AFF4: variants seen among roughly 807,000 people sequenced by gnomAD.
The protein encoded by AFF4 is ALF transcription elongation factor 4, also known as AF4/FMR2 family member 4.
In AFF4, 13 loss-of-function variants were observed where a neutral mutation model predicts 124.8. That is an observed-to-expected ratio of 0.10 (90% CI 0.07 to 0.17). The LOEUF (loss-of-function observed/expected upper bound fraction) is 0.17. AFF4 is among the 10% of genes least tolerant of loss of function. AFF4 has a pLI of 1.00. For missense variants in AFF4, 1,092 were observed against 1,403.8 expected, an observed-to-expected ratio of 0.78 and a Z score of 3.55; for synonymous variants, 477 against 496.1, an observed-to-expected ratio of 0.96 and a Z score of 0.51.
chr5:132,946,981 C>G (rs1033742494), intron 1 of AFF4, among the ~76,000 whole-genome samples: 1 of 151,308 alleles, frequency 6.6e-6, no homozygotes, highest in East Asian at 2.0e-4. Flanking sequence ...CGCTTGAACC[C>G]GGGAAGCAGA....
At chr5:132,958,508 A>T (rs1489537669) in intron 1 of AFF4, among the ~76,000 whole-genome samples, 1 of 150,776 alleles carries the variant, frequency 6.6e-6, no homozygotes, top group East Asian at 1.9e-4. Flanking sequence ...AAAGTGATGC[A>T]GAGATTGAAA....
intron 1 of AFF4, among the ~76,000 whole-genome samples, chr5:132,953,660 A>C (rs1006255914): frequency 6.6e-6 from 1 of 152,198 alleles, no homozygotes; most frequent in Non-Finnish European, 1.5e-5. Context: ...ATAGTAATGC[A>C]TCCAGCCAGC....
chr5:132,897,618 GAGA>G (rs1309732846), intron 10 of AFF4, among the ~76,000 whole-genome samples: 1 of 151,978 alleles, frequency 6.6e-6, no homozygotes, highest in Non-Finnish European at 1.5e-5. Context: ...GCTGAGGCAG[GAGA>G]ATCACTTGAA....
chr5:132,962,303 T>C (rs1297780511), intron 1 of AFF4, among the ~76,000 whole-genome samples: 3 of 152,178 alleles, frequency 2.0e-5, no homozygotes, highest in Non-Finnish European at 4.4e-5. Flanking sequence ...ACCTATAGCT[T>C]AGATTCCATC....
chr5:132,954,546 CTTTTT>C (rs1204231856), intron 1 of AFF4, among the ~76,000 whole-genome samples: 5 of 122,144 alleles, frequency 4.1e-5, no homozygotes, highest in Admixed American at 2.5e-4. Flanking sequence ...AAACAATGCT[CTTTTT>C]TTTTTTTTTT....
intron 1 of AFF4, chr5:132,943,324 C>T (rs7710795): frequency 0.19 from 38,227 of 203,452 alleles, 3,971 homozygotes; most frequent in African/African-American, 0.29. Context: ...AACACAGTAG[C>T]ATTTGTGCCA....
Position 132,876,302 on chromosome 5 carries a change from C to T in AFF4, c.*4757G>A, listed in dbSNP as rs1759839015. On this transcript the variant is annotated 3_prime_UTR_variant, in exon 21 of 21. Coordinates refer to ENST00000265343, the MANE Select transcript of AFF4 (RefSeq NM_014423.4). ...GGGGACACTTCTGGAACACCAACAA[C>T]AAACTCAACAATATGGATGATCATG... is the stretch of plus-strand genomic sequence containing the variant. 1.9e-5 allele frequency: 4 copies of T among 209,028 alleles called. No homozygotes were observed. In the East Asian group the frequency reaches 2.2e-4, roughly 11 times the overall value. The allele number at this position is 209,028 out of a possible 1,614,324, so 12.9% of individuals were successfully genotyped here.
intron 1 of AFF4, among the ~76,000 whole-genome samples, chr5:132,962,657 A>G (rs1762104499): frequency 6.6e-6 from 1 of 152,100 alleles, no homozygotes; most frequent in African/African-American, 2.4e-5. Context: ...GGAAAGGCCT[A>G]AACATCAATA....
intron 6 of AFF4, among the ~76,000 whole-genome samples, chr5:132,903,223 A>G (rs1317854403): frequency 6.6e-6 from 1 of 151,994 alleles, no homozygotes; most frequent in Non-Finnish European, 1.5e-5. Flanking sequence ...CATTTTCTGC[A>G]TAATTAACAA....
intron 5 of AFF4, among the ~76,000 whole-genome samples, chr5:132,922,741 C>A (rs1157571400): frequency 1.4e-5 from 2 of 146,306 alleles, no homozygotes; most frequent in African/African-American, 5.1e-5. Context: ...GATCACGCCA[C>A]TGCACTCCAG....
chr5:132,905,585 C>T (rs965563658), intron 5 of AFF4, among the ~76,000 whole-genome samples: 45 of 152,212 alleles, frequency 3.0e-4, no homozygotes, highest in African/African-American at 1.0e-3. Flanking sequence ...TTTTTAACAA[C>T]GGTGCTGGAC....
intron 18 of AFF4, 47 bp downstream of exon 18, chr5:132,886,263 C>A: frequency 6.4e-7 from 1 of 1,554,284 alleles, no homozygotes; most frequent in South Asian, 1.1e-5. Flanking sequence ...TGGGAGACTA[C>A]AAATTCTGTC....
At chr5:132,928,283 A>C (rs1761224000) in intron 4 of AFF4, among the ~76,000 whole-genome samples, 1 of 152,130 alleles carries the variant, frequency 6.6e-6, no homozygotes, top group Non-Finnish European at 1.5e-5. Flanking sequence ...ACCATGAAGA[A>C]AGGCTTCTCA....
intron 1 of AFF4, among the ~76,000 whole-genome samples, chr5:132,940,450 G>C (rs1292738161): frequency 1.4e-5 from 2 of 146,380 alleles, no homozygotes; most frequent in Non-Finnish European, 3.0e-5. Context: ...GCAGTGAGTC[G>C]AGATCGCACC....
At chr5:132,936,486 A>T (rs1446900310) in intron 2 of AFF4, among the ~76,000 whole-genome samples, 1 of 152,178 alleles carries the variant, frequency 6.6e-6, no homozygotes, top group Non-Finnish European at 1.5e-5. Flanking sequence ...TTATTCAAAC[A>T]TACTAATAAT....
intron 5 of AFF4, among the ~76,000 whole-genome samples, chr5:132,920,356 A>ATTT (rs71581351): frequency 2.0e-4 from 25 of 125,840 alleles, no homozygotes; most frequent in African/African-American, 7.2e-4. Context: ...GCGGGCAAAC[A>ATTT]TTTTTTTTTT....
intron 1 of AFF4, chr5:132,948,827 T>C (rs1761760158): frequency 6.5e-6 from 1 of 153,334 alleles, no homozygotes. Context: ...ACTTTGCCTG[T>C]TTGGGGCATC....
chr5:132,955,001 C>T (rs1761921667), intron 1 of AFF4, among the ~76,000 whole-genome samples: 1 of 152,150 alleles, frequency 6.6e-6, no homozygotes, highest in South Asian at 2.1e-4. Context: ...TTGAAGGATG[C>T]TGAATGCAGA....
intron 20 of AFF4, 145 bp downstream of exon 20, chr5:132,883,195 G>T: frequency 2.5e-6 from 2 of 784,662 alleles, no homozygotes; most frequent in Non-Finnish European, 3.9e-6. Context: ...TTGTTTAACT[G>T]CTAAGCAATG....
Sources: gnomAD v4.1 joint callset for allele counts (sites outside exome capture counted in the v4.1 genomes callset) on GRCh38, gnomAD v4.1.1 for gene constraint, MANE v1.5 for transcripts, NCBI Gene and HGNC (gene_info 2026-07-23, HGNC 2026-07-21) for gene names.